Variants in XRRA1 observed in about 807,000 individuals in gnomAD.
XRRA1 encodes X-ray radiation resistance-associated protein 1.
A neutral mutation model predicts 80.2 loss-of-function variants in XRRA1; 69 were observed. That is an observed-to-expected ratio of 0.86 (90% CI 0.71 to 1.05). The LOEUF (loss-of-function observed/expected upper bound fraction) is 1.05, where lower values mean the gene tolerates loss of function less well. Among genes scored for constraint, XRRA1 ranks in the 50% least tolerant of loss-of-function variants. The pLI, the probability that XRRA1 is intolerant of heterozygous loss-of-function variation, is 0.00. For synonymous variants in XRRA1, 348 were observed against 389.9 expected, an observed-to-expected ratio of 0.89 and a Z score of 1.27; for missense variants, 967 against 976.4, an observed-to-expected ratio of 0.99 and a Z score of 0.13.
chr11:74,906,656 G>T (rs1444422013), intron 9 of XRRA1, among the ~76,000 whole-genome samples, 200 bp from the exon 10 acceptor site: 1 of 152,114 alleles, frequency 6.6e-6, no homozygotes, highest in Non-Finnish European at 1.5e-5. Flanking sequence ...ACCTTTCAGG[G>T]TTCTTGTGAA....
chr11:74,897,361 C>T (rs1157094551), intron 10 of XRRA1, among the ~76,000 whole-genome samples: 1 of 151,714 alleles, frequency 6.6e-6, no homozygotes, highest in Non-Finnish European at 1.5e-5. Flanking sequence ...GTATGCCTAC[C>T]AGATCCAGAA....
chr11:74,919,472 T>C (rs950592585), intron 8 of XRRA1: 3 of 214,394 alleles, frequency 1.4e-5, no homozygotes, highest in African/African-American at 7.1e-5. Flanking sequence ...AACCAATCAG[T>C]AAACCAATTA....
chr11:74,879,016 T>C (rs1316132057), intron 10 of XRRA1, among the ~76,000 whole-genome samples: 1 of 148,602 alleles, frequency 6.7e-6, no homozygotes, highest in Non-Finnish European at 1.5e-5. Context: ...CATTGGTAGC[T>C]TGATGGGGAT....
intron 10 of XRRA1, among the ~76,000 whole-genome samples, chr11:74,871,560 T>G (rs1038643432): frequency 1.3e-5 from 2 of 152,140 alleles, no homozygotes; most frequent in African/African-American, 4.8e-5. Context: ...ATCCAAAAGG[T>G]AATGATTCCC....
intron 8 of XRRA1, among the ~76,000 whole-genome samples, chr11:74,918,474 T>C (rs1939547964): frequency 6.6e-6 from 1 of 152,200 alleles, no homozygotes; most frequent in South Asian, 2.1e-4. Context: ...CTCATCCTTC[T>C]TGAGGGGATG....
intron 2 of XRRA1, among the ~76,000 whole-genome samples, chr11:74,941,778 C>T (rs1006972380): frequency 2.0e-5 from 3 of 151,738 alleles, no homozygotes; most frequent in Non-Finnish European, 2.9e-5. Context: ...CCAGGGATAG[C>T]TGATGAGAGT....
At chr11:74,906,120 A>G (rs1361985327) in intron 10 of XRRA1, 119 bp downstream of exon 10, 2 of 940,386 alleles carry the variant, frequency 2.1e-6, no homozygotes, top group African/African-American at 3.3e-5. Context: ...TCCTTGACAA[A>G]GAATCAGCAA....
intron 11 of XRRA1, among the ~76,000 whole-genome samples, chr11:74,859,961 C>T (rs2041977430): frequency 6.6e-6 from 1 of 152,084 alleles, no homozygotes; most frequent in Admixed American, 6.5e-5. Context: ...TTTAACTATA[C>T]ATAACTCAGT....
In XRRA1 at chr11:74,888,594, A is replaced by G. The variant is rs187125008; in HGVS notation, c.1003+17645T>C. On this transcript the variant is annotated intron_variant, in intron 10 of 18. Coordinates refer to ENST00000684022, the MANE Select transcript of XRRA1 (RefSeq NM_001378157.1). ...AATGACTTTGACGAGTTGAGAGAAGAAGGCTTCGGACGATCGAACTACTCC... is the reference window on the plus strand; with the variant it reads ...AATGACTTTGACGAGTTGAGAGAAGGAGGCTTCGGACGATCGAACTACTCC... Among the ~76,000 whole-genome samples the G allele has an allele frequency of 3.5e-3, 532 of 152,326 alleles. 1 individual carries two copies. The highest frequency in any genetic ancestry group is 5.2e-3 in the Non-Finnish European group (355 of 68,024).
chr11:74,884,041 AT>A (rs1282252374), intron 10 of XRRA1, among the ~76,000 whole-genome samples: 6 of 152,152 alleles, frequency 3.9e-5, no homozygotes, highest in African/African-American at 1.4e-4. Context: ...TTTACTAAAA[AT>A]ACAAAAATTA....
Position 74,949,074 on chromosome 11 carries a change from G to T in XRRA1, c.-219C>A, listed in dbSNP as rs1948245200. 6.4e-6 allele frequency: 3 copies of T among 471,596 alleles called. No homozygotes were observed. In the East Asian group the frequency reaches 1.2e-4, roughly 18 times the overall value. 29.2% of individuals were successfully genotyped at this position (471,596 alleles called of 1,614,324 possible). A position where few individuals can be genotyped will look rare whatever the true frequency, so the allele number is the denominator to read the frequency against. ...ATCTTCCCCACGCCTTAGTAACTGC[G>T]ACGCGACGGCAGACAGTGTAGGCGG... is the stretch of plus-strand genomic sequence containing the variant. On this transcript the variant is annotated 5_prime_UTR_variant, in exon 1 of 19. Transcript: ENST00000684022.
At chr11:74,891,696 T>C (rs2050746281) in intron 10 of XRRA1, among the ~76,000 whole-genome samples, 1 of 152,172 alleles carries the variant, frequency 6.6e-6, no homozygotes, top group Non-Finnish European at 1.5e-5. Context: ...GATAGGCAAC[T>C]TCAGCAAAGT....
At chr11:74,861,094 A>C (rs1291414912) in intron 11 of XRRA1, among the ~76,000 whole-genome samples, 1 of 152,216 alleles carries the variant, frequency 6.6e-6, no homozygotes, top group East Asian at 1.9e-4. Context: ...TGGTGAGCAC[A>C]TCAATGTGCT....
chr11:74,877,328 A>G (rs529357950), intron 10 of XRRA1, among the ~76,000 whole-genome samples: 2 of 152,268 alleles, frequency 1.3e-5, no homozygotes, highest in South Asian at 4.1e-4. Context: ...TTTATATTAC[A>G]CTTCTGGTAA....
chr11:74,854,870 A>AAAC (rs200157502), intron 12 of XRRA1, among the ~76,000 whole-genome samples: 4 of 151,922 alleles, frequency 2.6e-5, no homozygotes, highest in Admixed American at 6.6e-5. Flanking sequence ...AAAAAATACA[A>AAAC]AACAACAACA....
intron 2 of XRRA1, among the ~76,000 whole-genome samples, chr11:74,943,116 C>T (rs150950807): frequency 1.3e-5 from 2 of 152,204 alleles, no homozygotes; most frequent in African/African-American, 4.8e-5. Context: ...AAAGAAATAA[C>T]CTTCCATCCT....
intron 4 of XRRA1, among the ~76,000 whole-genome samples, chr11:74,936,288 G>A (rs964841105): frequency 6.6e-6 from 1 of 152,190 alleles, no homozygotes; most frequent in Non-Finnish European, 1.5e-5. Flanking sequence ...GCCTGCCCCC[G>A]GCACTAAGTA....
intron 10 of XRRA1, chr11:74,864,111 AAC>A (rs576208900): frequency 4.6e-4 from 70 of 152,376 alleles, no homozygotes; most frequent in African/African-American, 1.5e-3. Context: ...CCTGAATAAA[AAC>A]AGTTTATTTA....
intron 10 of XRRA1, among the ~76,000 whole-genome samples, chr11:74,878,760 G>C (rs1269242890): frequency 0.011 from 1,709 of 150,762 alleles, 23 homozygotes; most frequent in African/African-American, 0.04. Context: ...GTTTGTCAAA[G>C]ATCAGATAGT....
Sources: allele counts gnomAD v4.1 joint callset (sites outside exome capture counted in the v4.1 genomes callset), GRCh38; gene constraint gnomAD v4.1.1; transcripts MANE v1.5; gene names NCBI Gene and HGNC (gene_info 2026-07-23, HGNC 2026-07-21).